Variants in PRDM16 observed in about 807,000 individuals in gnomAD.
The protein encoded by PRDM16 is PR/SET domain 16, also known as histone-lysine N-methyltransferase PRDM16.
Under a neutral mutation model 110.6 loss-of-function variants are expected in PRDM16, and 23 were observed. That is an observed-to-expected ratio of 0.21 (90% CI 0.15 to 0.29). The LOEUF is 0.29. Ranked by LOEUF, PRDM16 falls within the 10% of genes least tolerant of loss-of-function variation. PRDM16 has a pLI of 1.00. For missense variants in PRDM16, 1,615 were observed against 1,794.3 expected, an observed-to-expected ratio of 0.90 and a Z score of 1.81; for synonymous variants, 799 against 781.8, an observed-to-expected ratio of 1.02 and a Z score of -0.37.
intron 2 of PRDM16, among the ~76,000 whole-genome samples, chr1:3,217,752 A>T (rs564990894): frequency 3.3e-5 from 5 of 151,738 alleles, no homozygotes; most frequent in Admixed American, 2.0e-4. Context: ...CTCTTGAGAA[A>T]CTCAGCCCAG....
intron 2 of PRDM16, among the ~76,000 whole-genome samples, chr1:3,234,345 C>G (rs986129386): frequency 8.5e-5 from 13 of 152,102 alleles, no homozygotes; most frequent in Non-Finnish European, 1.6e-4. Flanking sequence ...GGCCCTGACA[C>G]GGAGCCTGCA....
At chr1:3,280,277 G>A (rs898932679) in intron 3 of PRDM16, among the ~76,000 whole-genome samples, 6 of 152,324 alleles carry the variant, frequency 3.9e-5, no homozygotes, top group South Asian at 2.1e-4. Flanking sequence ...ATGAATGTGC[G>A]CATGACCTGG....
At position 3,253,328 on chromosome 1, in the gene PRDM16, G is replaced by A. The variant is rs896753716; in HGVS notation, c.438+9191G>A. 2.7e-5 allele frequency among the ~76,000 whole-genome samples: 4 copies of A among 149,672 alleles called. No homozygotes were observed. The East Asian group carries it at 7.8e-4, about 29-fold the overall frequency. On this transcript the variant is annotated intron_variant, in intron 3 of 16. Coordinates refer to ENST00000270722, the MANE Select transcript of PRDM16 (RefSeq NM_022114.4). ...CCCAATAACTCGTCATTTAGCATTAGGTATATCTCCTAATGCTATCCCTCC... is the reference window on the plus strand; with the variant it reads ...CCCAATAACTCGTCATTTAGCATTAAGTATATCTCCTAATGCTATCCCTCC...
intron 1 of PRDM16, among the ~76,000 whole-genome samples, chr1:3,094,294 T>C (rs977097120): frequency 6.6e-6 from 1 of 152,166 alleles, no homozygotes; most frequent in African/African-American, 2.4e-5. Flanking sequence ...CCCAGGTGGC[T>C]CCTAAGCACC....
intron 3 of PRDM16, among the ~76,000 whole-genome samples, chr1:3,366,450 C>T (rs2100569519): frequency 6.6e-6 from 1 of 152,348 alleles, no homozygotes; most frequent in South Asian, 2.1e-4. Flanking sequence ...TCCCACCCAT[C>T]TCCCAGGCTG....
At chr1:3,251,924 G>A (rs1028579858) in intron 3 of PRDM16, among the ~76,000 whole-genome samples, 1 of 152,192 alleles carries the variant, frequency 6.6e-6, no homozygotes, top group African/African-American at 2.4e-5. Flanking sequence ...CAAAGTCTGT[G>A]GTAATTGGTT....
intron 1 of PRDM16, among the ~76,000 whole-genome samples, chr1:3,082,121 A>T (rs1455033304): frequency 6.6e-6 from 1 of 152,094 alleles, no homozygotes; most frequent in Non-Finnish European, 1.5e-5. Context: ...ATGTTAGATG[A>T]CCTTGGACCA....
intron 3 of PRDM16, among the ~76,000 whole-genome samples, chr1:3,289,374 C>T (rs1640924230): frequency 6.6e-6 from 1 of 152,336 alleles, no homozygotes; most frequent in South Asian, 2.1e-4. Flanking sequence ...CTGAACGCAG[C>T]CCCTGCAGGT....
rs1441653481 is a variant in PRDM16, at chr1:3,391,127, C to A, written c.574-5364C>A. Among the ~76,000 whole-genome samples the A allele has an allele frequency of 3.9e-5, 6 of 152,308 alleles. No homozygotes were observed. The South Asian group carries it at 6.2e-4, about 16-fold the overall frequency. On this transcript the variant is annotated intron_variant, in intron 4 of 16. Transcript: ENST00000270722. ...CTGGGATGACAGGCGTGAGCCACCG[C>A]CCGAGCCATCCTCACAATTTTTTTA...
rs912589880 is a variant in PRDM16, at chr1:3,147,228, C to T, written c.38-38897C>T. On this transcript the variant is annotated intron_variant, in intron 1 of 16. Transcript: ENST00000270722. ...GTTCAGTGTGGGGTGTGTGTGCACA[C>T]GTGTGCATTCACTTCTAAGTTGGGG... 3.3e-5 allele frequency among the ~76,000 whole-genome samples: 5 copies of T among 151,938 alleles called. No individual in the cohort carries two copies. In the East Asian group the frequency reaches 9.7e-4, roughly 30 times the overall value.
rs563627297 is a variant in PRDM16 at position 3,359,947 on chromosome 1, C to T, written c.439-25205C>T. Among the ~76,000 whole-genome samples the T allele has an allele frequency of 3.3e-4, 51 of 152,342 alleles. 1 individual carries two copies. The highest frequency in any genetic ancestry group is 1.2e-3 in the African/African-American group (49 of 41,590). The stretch of plus-strand genomic sequence containing the variant: ...AGCCAGCTCCTCACAGAAGGCCGCC[C>T]GGCTCAGAACAGGTCCCTTCAGCCG... On this transcript the variant is annotated intron_variant, in intron 3 of 16. Transcript: ENST00000270722. This position sits in a 1 kb window ranked among gnomAD's most constrained non-coding sequence, Gnocchi z 4.3.
intron 1 of PRDM16, among the ~76,000 whole-genome samples, chr1:3,142,019 C>T (rs1000671126): frequency 2.6e-5 from 4 of 152,266 alleles, no homozygotes; most frequent in Non-Finnish European, 5.9e-5. Context: ...ATTCGTCAGC[C>T]ATGGGGTCGC....
chr1:3,146,699 TG>T (rs1481419583), intron 1 of PRDM16, among the ~76,000 whole-genome samples: 3 of 126,750 alleles, frequency 2.4e-5, no homozygotes, highest in Admixed American at 8.2e-5. Flanking sequence ...GTGTTTGGTG[TG>T]GGGTGTGTCT....
intron 3 of PRDM16, among the ~76,000 whole-genome samples, chr1:3,252,294 C>T (rs553677926): frequency 9.5e-4 from 145 of 152,314 alleles, no homozygotes; most frequent in Admixed American, 2.2e-3. Context: ...TGTCCCTGTG[C>T]GGGCATTGGG....
At chr1:3,408,335 T>C (rs1643595763) in intron 8 of PRDM16, among the ~76,000 whole-genome samples, 2 of 152,076 alleles carry the variant, frequency 1.3e-5, no homozygotes, top group Admixed American at 6.5e-5. Flanking sequence ...CAAACGTGTG[T>C]GTGCATGGGT....
chr1:3,194,165 C>T (rs1371572064), intron 2 of PRDM16, among the ~76,000 whole-genome samples: 1 of 152,206 alleles, frequency 6.6e-6, no homozygotes, highest in Non-Finnish European at 1.5e-5. Flanking sequence ...TCCCAAAGCA[C>T]TCGTCTGGCC....
chr1:3,104,499 G>A (rs2993494), intron 1 of PRDM16, among the ~76,000 whole-genome samples: 23,358 of 152,158 alleles, frequency 0.15, 1,957 homozygotes, highest in East Asian at 0.31. Context: ...TCCAGTGGGC[G>A]GGAGACCACA....
At chr1:3,214,677 G>A (rs897084950) in intron 2 of PRDM16, among the ~76,000 whole-genome samples, 4 of 152,182 alleles carry the variant, frequency 2.6e-5, no homozygotes, top group Non-Finnish European at 2.9e-5. Flanking sequence ...ATCTCGCAGG[G>A]GCAAGAATGG....
At position 3,409,780 on chromosome 1, in the gene PRDM16, GGTGTGTGGTGTGGGT is replaced by G. The variant is rs1373426175; in HGVS notation, c.1187-1592_1187-1578del. On this transcript the variant is annotated intron_variant, in intron 8 of 16. Transcript: ENST00000270722. ...GTGTGAGTGTGTGTGGTTGTGTGTGGGTGTGTGGTGTGGGTGTGTGTGGTGTATGTGTGCATGTGT... is the reference window on the plus strand; with the variant it reads ...GTGTGAGTGTGTGTGGTTGTGTGTGGGTGTGTGGTGTATGTGTGCATGTGT... Among the ~76,000 whole-genome samples the G allele has an allele frequency of 2.2e-5, 3 of 135,178 alleles. No individual in the cohort carries two copies. The East Asian group carries it at 7.1e-4, about 32-fold the overall frequency. 88.7% of individuals were successfully genotyped at this position (135,178 alleles called of 152,430 possible).
Sources: gnomAD v4.1 joint callset for allele counts (sites outside exome capture counted in the v4.1 genomes callset) on GRCh38, gnomAD v4.1.1 for gene constraint, Gnocchi (gnomAD v3.1) non-coding constraint, MANE v1.5 for transcripts, NCBI Gene and HGNC (gene_info 2026-07-23, HGNC 2026-07-21) for gene names.